The following ERGIC1 variants were observed in gnomAD, a reference collection of about 807,000 sequenced individuals.
The protein encoded by ERGIC1 is endoplasmic reticulum-golgi intermediate compartment 1, also known as endoplasmic reticulum-Golgi intermediate compartment protein 1.
In ERGIC1, 19 loss-of-function variants were observed where a neutral mutation model predicts 38.3. That is an observed-to-expected ratio of 0.50 (90% CI 0.35 to 0.73). ERGIC1 has a LOEUF of 0.73. ERGIC1 is among the 30% of genes least tolerant of loss of function. The pLI, the probability that ERGIC1 is intolerant of heterozygous loss-of-function variation, is 0.01. For missense variants in ERGIC1, 294 were observed against 389.2 expected (o/e 0.76, Z 2.06); for synonymous variants, 124 against 157.6 (o/e 0.79, Z 1.60).
At chr5:172,903,005 C>T (rs1284969604) in intron 3 of ERGIC1, among the ~76,000 whole-genome samples, 1 of 151,946 alleles carries the variant, frequency 6.6e-6, no homozygotes, top group Non-Finnish European at 1.5e-5. Flanking sequence ...CCTTGCGTAC[C>T]TCTCCCTACA....
rs77456485 is a variant in ERGIC1, at chr5:172,903,751, T to C, written c.156-5916T>C. On this transcript the variant is annotated intron_variant, in intron 3 of 9. Coordinates refer to ENST00000393784, the MANE Select transcript of ERGIC1 (RefSeq NM_001031711.3). ...ATAGCAACCCCTATGATTGTCCCCA[T>C]TTTACATCTGGGGAAACTGATGGAT... 3.6e-3 allele frequency among the ~76,000 whole-genome samples: 549 copies of C among 152,214 alleles called. 3 individuals are homozygous for C. The highest frequency in any genetic ancestry group is 0.013 in the African/African-American group (529 of 41,516).
chr5:172,947,876 T>TGTG (rs1764156910), intron 9 of ERGIC1, among the ~76,000 whole-genome samples: 1 of 145,728 alleles, frequency 6.9e-6, no homozygotes, highest in Non-Finnish European at 1.5e-5. Context: ...CAGATGTGTT[T>TGTG]TGTGTGTGTG....
intron 5 of ERGIC1, 53 bp downstream of exon 5, chr5:172,914,891 C>T (rs778584370): frequency 6.7e-7 from 1 of 1,502,254 alleles, no homozygotes; most frequent in Non-Finnish European, 9.1e-7. Flanking sequence ...CCTGCTGTCT[C>T]CCCGCTCCCT....
intron 2 of ERGIC1, among the ~76,000 whole-genome samples, chr5:172,889,944 T>A (rs1762516532): frequency 6.6e-6 from 1 of 152,240 alleles, no homozygotes; most frequent in African/African-American, 2.4e-5. Flanking sequence ...TTTGGGATAC[T>A]CAACGTGTAT....
chr5:172,935,136 GC>G (rs1435988451), intron 8 of ERGIC1, 51 bp from the exon 9 acceptor site: 6 of 1,611,162 alleles, frequency 3.7e-6, no homozygotes, highest in South Asian at 1.1e-5. Flanking sequence ...TCCAGTCCCC[GC>G]CCCCCCTGAG....
chr5:172,859,792 A>G (rs968652924), intron 1 of ERGIC1, among the ~76,000 whole-genome samples: 3 of 152,206 alleles, frequency 2.0e-5, no homozygotes, highest in Non-Finnish European at 4.4e-5. Flanking sequence ...TGGCAAGACC[A>G]CAGCATGGCC....
chr5:172,857,004 C>A (rs1031876987), intron 1 of ERGIC1, among the ~76,000 whole-genome samples: 7 of 152,226 alleles, frequency 4.6e-5, no homozygotes, highest in African/African-American at 1.7e-4. Flanking sequence ...AACCCCACAA[C>A]AAGAAATTCA....
At chr5:172,864,031 C>T (rs1472242939) in intron 1 of ERGIC1, among the ~76,000 whole-genome samples, 1 of 152,006 alleles carries the variant, frequency 6.6e-6, no homozygotes, top group Non-Finnish European at 1.5e-5. Context: ...CTTCTCTCTA[C>T]TAGAAATACA....
At chr5:172,923,947 A>T in intron 5 of ERGIC1, 58 bp from the exon 6 acceptor site, 1 of 1,489,774 alleles carries the variant, frequency 6.7e-7, no homozygotes, top group Non-Finnish European at 9.3e-7. Context: ...GTGAGGCCCC[A>T]ATGTTCCGCC....
At chr5:172,903,442 A>G (rs10054224) in intron 3 of ERGIC1, among the ~76,000 whole-genome samples, 83,520 of 151,888 alleles carry the variant, frequency 0.55, 23,228 homozygotes, top group Non-Finnish European at 0.6. Flanking sequence ...CAGGCAGTGC[A>G]ATGCCTTGGA....
At chr5:172,908,256 A>T (rs1032805010) in intron 3 of ERGIC1, among the ~76,000 whole-genome samples, 3 of 128,178 alleles carry the variant, frequency 2.3e-5, no homozygotes, top group Non-Finnish European at 5.0e-5. Flanking sequence ...GAGGCCAGGC[A>T]CAGTGGCTCA....
chr5:172,893,922 T>TACACATAC, intron 2 of ERGIC1, among the ~76,000 whole-genome samples: 1 of 88,136 alleles, frequency 1.1e-5, no homozygotes, highest in Non-Finnish European at 2.3e-5. Context: ...TGTGTGTGTG[T>TACACATAC]GTGTGTGTGT....
intron 1 of ERGIC1, among the ~76,000 whole-genome samples, chr5:172,879,611 A>G (rs537275459): frequency 9.9e-5 from 15 of 152,238 alleles, no homozygotes; most frequent in African/African-American, 3.6e-4. Flanking sequence ...TCAGGCACAG[A>G]GCAAAAAGGG....
chr5:172,935,081 G>T, intron 8 of ERGIC1, 107 bp from the exon 9 acceptor site: 1 of 1,535,568 alleles, frequency 6.5e-7, no homozygotes. Context: ...GGGGCAGAGA[G>T]GGAGGAAAGC....
intron 1 of ERGIC1, among the ~76,000 whole-genome samples, chr5:172,872,824 G>GA (rs539600105): frequency 6.7e-6 from 1 of 150,342 alleles, no homozygotes; most frequent in Non-Finnish European, 1.5e-5. Context: ...TCAAAAAAAA[G>GA]AAAAAAAGAA....
At chr5:172,870,938 G>A (rs538609242) in intron 1 of ERGIC1, among the ~76,000 whole-genome samples, 4 of 152,312 alleles carry the variant, frequency 2.6e-5, no homozygotes, top group Admixed American at 6.5e-5. Flanking sequence ...GATGATGCTC[G>A]CCACTTCAGA....
chr5:172,862,478 C>G (rs186485738), intron 1 of ERGIC1, among the ~76,000 whole-genome samples: 82 of 152,166 alleles, frequency 5.4e-4, no homozygotes, highest in Non-Finnish European at 1.0e-3. Context: ...TGAGCACTCC[C>G]GAGCACAAAG....
Position 172,950,868 on chromosome 5 carries a change from C to G in ERGIC1, c.*52C>G, listed in dbSNP as rs1262135336. On this transcript the variant is annotated 3_prime_UTR_variant, in exon 10 of 10. Coordinates refer to ENST00000393784, the MANE Select transcript of ERGIC1 (RefSeq NM_001031711.3). Reference sequence around the variant, plus strand: ...ACCCTGGGCATCGCCAGCCTTGCCTCCAGTGCCCTGTCTCCTTTGGCCCTC... The same window carrying G: ...ACCCTGGGCATCGCCAGCCTTGCCTGCAGTGCCCTGTCTCCTTTGGCCCTC... 2.6e-6 allele frequency: 4 copies of G among 1,511,360 alleles called. No homozygotes were observed. The African/African-American group carries it at 4.1e-5, about 16-fold the overall frequency. 93.6% of individuals were successfully genotyped at this position (1,511,360 alleles called of 1,614,324 possible).
chr5:172,928,043 A>G (rs765378144), intron 7 of ERGIC1, among the ~76,000 whole-genome samples: 2 of 152,070 alleles, frequency 1.3e-5, no homozygotes, highest in Non-Finnish European at 2.9e-5. Context: ...GTCTGGTTGT[A>G]ATAGAGGTAG....
Sources: allele counts gnomAD v4.1 joint callset (sites outside exome capture counted in the v4.1 genomes callset), GRCh38; gene constraint gnomAD v4.1.1; transcripts MANE v1.5; gene names NCBI Gene and HGNC (gene_info 2026-07-23, HGNC 2026-07-21).